Variants in DCLK2 observed in about 807,000 individuals in gnomAD.
The protein encoded by DCLK2 is doublecortin like kinase 2.
Under a neutral mutation model 78.4 loss-of-function variants are expected in DCLK2, and 31 were observed. The ratio of observed to expected loss-of-function variants is 0.40; its 90% CI spans 0.30 to 0.53. The LOEUF (loss-of-function observed/expected upper bound fraction) is 0.53, where lower values mean the gene tolerates loss of function less well. DCLK2 is among the 20% of genes least tolerant of loss of function. DCLK2 has a pLI of 0.61. For missense variants in DCLK2, 872 were observed against 973.7 expected, an observed-to-expected ratio of 0.90 and a Z score of 1.39; for synonymous variants, 407 against 374.9, an observed-to-expected ratio of 1.09 and a Z score of -0.99.
chr4:150,166,684 A>C (rs115017609), intron 2 of DCLK2, among the ~76,000 whole-genome samples: 1,625 of 152,252 alleles, frequency 0.011, 16 homozygotes, highest in Non-Finnish European at 0.018. Flanking sequence ...TGCAAATGTT[A>C]ATGCATAATT....
intron 2 of DCLK2, among the ~76,000 whole-genome samples, chr4:150,106,539 T>C (rs1286777673): frequency 1.3e-5 from 2 of 152,258 alleles, no homozygotes; most frequent in African/African-American, 4.8e-5. Context: ...GCCTAAATTT[T>C]ATTTTTTCCT....
rs1182399034 is a variant in DCLK2 at position 150,175,084 on chromosome 4, ATATATATATT to A, written c.757-18036_757-18027del. On this transcript the variant is annotated intron_variant, in intron 2 of 15. Transcript: ENST00000296550. ...TATATTTATATATATTTATATATTT[ATATATATATT>A]TATATATATTTATATATTTATATTT... is the stretch of plus-strand genomic sequence containing the variant. Among the ~76,000 whole-genome samples, 4 of 1,644 alleles carry A rather than the reference ATATATATATT, an allele frequency of 2.4e-3. 1 individual carries two copies. The highest frequency in any genetic ancestry group is 4.4e-3 in the African/African-American group (4 of 906). The allele number at this position is 1,644 out of a possible 152,430, so 1.1% of individuals were successfully genotyped here. A position where few individuals can be genotyped will look rare whatever the true frequency, so the allele number is the denominator to read the frequency against.
chr4:150,225,667 C>A (rs569124423), intron 8 of DCLK2, among the ~76,000 whole-genome samples: 2 of 152,132 alleles, frequency 1.3e-5, no homozygotes, highest in East Asian at 1.9e-4. Context: ...TCATTAATAT[C>A]TTTGTATATG....
intron 4 of DCLK2, among the ~76,000 whole-genome samples, chr4:150,203,514 G>A (rs893768228): frequency 2.0e-5 from 3 of 151,182 alleles, no homozygotes; most frequent in Admixed American, 1.3e-4. Flanking sequence ...ACAAGTTCTC[G>A]TTCACATCAC....
intron 7 of DCLK2, among the ~76,000 whole-genome samples, chr4:150,224,089 C>T (rs564028741): frequency 6.6e-6 from 1 of 152,172 alleles, no homozygotes; most frequent in South Asian, 2.1e-4. Flanking sequence ...AATTGAAATA[C>T]TTTAAATATG....
intron 2 of DCLK2, among the ~76,000 whole-genome samples, chr4:150,155,956 G>A (rs966002838): frequency 6.6e-6 from 1 of 152,122 alleles, no homozygotes; most frequent in Non-Finnish European, 1.5e-5. Context: ...TGGCCAGAGG[G>A]AGGAAGCTAG....
At chr4:150,220,894 TCA>T in intron 6 of DCLK2, 116 bp downstream of exon 6, 1 of 797,934 alleles carries the variant, frequency 1.3e-6, no homozygotes, top group Non-Finnish European at 2.0e-6. Context: ...TGTGATCACA[TCA>T]CCTGTCAGCC....
At chr4:150,163,440 A>G (rs1477627740) in intron 2 of DCLK2, among the ~76,000 whole-genome samples, 2 of 152,146 alleles carry the variant, frequency 1.3e-5, no homozygotes, top group Non-Finnish European at 2.9e-5. Context: ...CCAACCAGCC[A>G]TTTAAATATC....
chr4:150,123,159 A>G (rs1258090755), intron 2 of DCLK2, among the ~76,000 whole-genome samples: 1 of 152,166 alleles, frequency 6.6e-6, no homozygotes, highest in Non-Finnish European at 1.5e-5. Context: ...TTCATAACTC[A>G]ACTGTTTGGG....
chr4:150,220,301 A>G (rs958291884), intron 5 of DCLK2, among the ~76,000 whole-genome samples: 1 of 152,230 alleles, frequency 6.6e-6, no homozygotes, highest in Non-Finnish European at 1.5e-5. Context: ...GTTGTCATTT[A>G]TCATGAGGAA....
chr4:150,175,011 A>AATATAT lies in DCLK2; in HGVS notation c.757-18110_757-18105dup, dbSNP rs1327523541. Among the ~76,000 whole-genome samples the AATATAT allele has an allele frequency of 3.4e-3, 34 of 9,972 alleles. 9 individuals carry two copies. Among genetic ancestry groups the AATATAT allele is most frequent in the African/African-American group, 6.1e-3 (23 of 3,790 alleles). The allele number at this position is 9,972 out of a possible 152,430, so 6.5% of individuals were successfully genotyped here. On this transcript the variant is annotated intron_variant, in intron 2 of 15. Transcript: ENST00000296550. ...AGACTCCGTCGCAAAAAAAAAAAAA[A>AATATAT]ATATATATATATATATATATATTTA...
rs140918352 is a variant in DCLK2, at chr4:150,122,587, A to G, written c.756+19775A>G. The stretch of plus-strand genomic sequence containing the variant: ...ATGGACACAGGGAGGGGAACATCAC[A>G]CACCAGGGCCTGTCAGTGGGTGGGG... On this transcript the variant is annotated intron_variant, in intron 2 of 15. Transcript: ENST00000296550. 9.0e-4 allele frequency among the ~76,000 whole-genome samples: 137 copies of G among 152,020 alleles called. 7 individuals carry two copies. In the East Asian group the frequency reaches 0.025, roughly 28 times the overall value.
intron 8 of DCLK2, among the ~76,000 whole-genome samples, chr4:150,228,392 A>G (rs1216298294): frequency 6.6e-6 from 1 of 152,212 alleles, no homozygotes; most frequent in African/African-American, 2.4e-5. Flanking sequence ...CACAGACACC[A>G]GCTGTGAAGC....
chr4:150,167,887 G>A (rs1021683063), intron 2 of DCLK2, among the ~76,000 whole-genome samples: 4 of 152,174 alleles, frequency 2.6e-5, no homozygotes, highest in African/African-American at 4.8e-5. Flanking sequence ...GATTGGTAAG[G>A]GAAGAATGCC....
At chr4:150,127,767 T>C (rs973437530) in intron 2 of DCLK2, among the ~76,000 whole-genome samples, 3 of 152,206 alleles carry the variant, frequency 2.0e-5, no homozygotes, top group African/African-American at 7.2e-5. Context: ...ACTCTTTGTC[T>C]CTTTCAGCGT....
At chr4:150,178,690 C>T (rs1289125311) in intron 2 of DCLK2, among the ~76,000 whole-genome samples, 1 of 152,200 alleles carries the variant, frequency 6.6e-6, no homozygotes, top group Non-Finnish European at 1.5e-5. Context: ...AATCTACTCA[C>T]CTTGCCGGAC....
At chr4:150,241,999 C>T (rs887200498) in intron 12 of DCLK2, among the ~76,000 whole-genome samples, 3 of 152,186 alleles carry the variant, frequency 2.0e-5, no homozygotes, top group African/African-American at 7.2e-5. Context: ...TGTACTGGGT[C>T]ACTATGTGAA....
rs557293514 is a variant in DCLK2, at chr4:150,079,168, T to C, written c.141T>C (p.Ser47=). The C allele has an allele frequency of 3.0e-4, 486 of 1,608,446 alleles. No individual in the cohort carries two copies. In the South Asian group the frequency reaches 5.0e-3, roughly 16 times the overall value. ...CCAAGGGGAACGGGCTCATCCCCAG[T>C]CCGGCGCACAGTGCCCACTGCAGCT... The part of the protein sequence containing the change: ...SGPKGNGLIP[S]PAHSAHCSFY... The change falls in exon 1 of 16, where the codon AGT becomes AGC. Residue 47 remains serine, a synonymous_variant. Coordinates refer to ENST00000296550, the MANE Select transcript of DCLK2 (RefSeq NM_001040260.4).
intron 2 of DCLK2, among the ~76,000 whole-genome samples, chr4:150,137,347 A>G (rs981705734): frequency 6.6e-6 from 1 of 152,212 alleles, no homozygotes; most frequent in African/African-American, 2.4e-5. Flanking sequence ...AAATGGAAAC[A>G]CATATGGCCT....
Sources: gnomAD v4.1 joint callset for allele counts (sites outside exome capture counted in the v4.1 genomes callset) on GRCh38, gnomAD v4.1.1 for gene constraint, MANE v1.5 for transcripts, NCBI Gene and HGNC (gene_info 2026-07-23, HGNC 2026-07-21) for gene names.